Variants in CSPP1 observed in about 807,000 individuals in gnomAD.
CSPP1 encodes the protein centrosome and spindle pole-associated protein 1.
CSPP1 carries 126 observed loss-of-function variants against 164.4 expected under a neutral mutation model. The observed-to-expected ratio is 0.77, with a 90% CI of 0.66 to 0.89. The LOEUF (loss-of-function observed/expected upper bound fraction) is 0.89, where lower values mean the gene tolerates loss of function less well. Ranked by LOEUF, CSPP1 falls within the 40% of genes least tolerant of loss-of-function variation. The pLI is 0.00. For missense variants in CSPP1, 1,395 were observed against 1,449.8 expected, an observed-to-expected ratio of 0.96 and a Z score of 0.61; for synonymous variants, 472 against 476.7, an observed-to-expected ratio of 0.99 and a Z score of 0.13.
chr8:67,132,128 A>T, intron 16 of CSPP1, 48 bp downstream of exon 16: 1 of 1,551,804 alleles, frequency 6.4e-7, no homozygotes, highest in East Asian at 2.3e-5. Context: ...AAGTGTAAGC[A>T]TGGTGGTCCC....
At chr8:67,155,162 A>T (rs1032417759) in intron 19 of CSPP1, among the ~76,000 whole-genome samples, 10 of 152,276 alleles carry the variant, frequency 6.6e-5, no homozygotes, top group Admixed American at 3.3e-4. Context: ...GGAGCCTGAG[A>T]TGAATGTGAG....
chr8:67,118,363 G>T lies in CSPP1; in HGVS notation c.1612G>T (p.Ala538Ser). Residue 538 changes from alanine to serine, a missense_variant, in exon 14 of 31, where the codon GCT becomes TCT. By Grantham distance (99) the Ala-to-Ser change is moderately conservative. Transcript: ENST00000678616. ...CAGGAATACTTTCGATCCCAGTCTT[G>T]CTTATTGTAAGTTATCTATAGGGTA... ...GSRNTFDPSL[A>S]YYGSGMMGVQ... 5.0e-6 allele frequency: 8 copies of T among 1,613,396 alleles called. No homozygotes were observed. The highest frequency in any genetic ancestry group is 6.8e-6 in the Non-Finnish European group (8 of 1,179,594).
At chr8:67,173,259 G>T (rs1830830985) in intron 25 of CSPP1, among the ~76,000 whole-genome samples, 4 of 152,130 alleles carry the variant, frequency 2.6e-5, no homozygotes, top group African/African-American at 9.7e-5. Context: ...AAATCTAGGG[G>T]ATTTGAGGGA....
intron 9 of CSPP1, among the ~76,000 whole-genome samples, chr8:67,106,310 A>G (rs1815520269): frequency 6.6e-6 from 1 of 151,814 alleles, no homozygotes; most frequent in East Asian, 1.9e-4. Flanking sequence ...TTTTTGCAAA[A>G]TGGATTGATC....
chr8:67,121,014 C>T (rs552776618), intron 15 of CSPP1, among the ~76,000 whole-genome samples: 14 of 151,934 alleles, frequency 9.2e-5, no homozygotes, highest in African/African-American at 1.4e-4. Flanking sequence ...CCACTATGCC[C>T]GGCTAAGTTT....
intron 18 of CSPP1, 48 bp from the exon 19 acceptor site, chr8:67,153,976 T>A: frequency 1.2e-6 from 1 of 818,172 alleles, no homozygotes; most frequent in Non-Finnish European, 2.1e-6. Flanking sequence ...CTGTTAAATT[T>A]TCTAAGCATT....
At chr8:67,087,333 T>C (rs1810619419) in intron 4 of CSPP1, among the ~76,000 whole-genome samples, 1 of 152,222 alleles carries the variant, frequency 6.6e-6, no homozygotes, top group Non-Finnish European at 1.5e-5. Context: ...TTTACAAAAC[T>C]GGTTTTAAAA....
rs1000508606 is a variant in CSPP1, at chr8:67,154,151, G to T, written c.2241+15G>T. On this transcript the variant is annotated intron_variant, in intron 19 of 30. Coordinates refer to ENST00000678616, the MANE Select transcript of CSPP1 (RefSeq NM_001382391.1). ...TTCGTTTCCAGGTGAAATGCTATTT[G>T]ATCAGTTTCAAAGTTTCATGAGATT... 5.9e-6 allele frequency: 7 copies of T among 1,195,782 alleles called. No homozygotes were observed. Among genetic ancestry groups the T allele is most frequent in the Non-Finnish European group, 7.5e-6 (6 of 804,048 alleles). 74.1% of individuals were successfully genotyped at this position (1,195,782 alleles called of 1,614,324 possible). A position where few individuals can be genotyped will look rare whatever the true frequency, so the allele number is the denominator to read the frequency against.
At chr8:67,115,150 T>C (rs1203891350) in intron 12 of CSPP1, 2 of 152,256 alleles carry the variant, frequency 1.3e-5, no homozygotes, top group African/African-American at 2.4e-5. Context: ...TTAATCTATT[T>C]ACTGTCTAGC....
At chr8:67,131,396 C>A (rs1183124743) in intron 15 of CSPP1, among the ~76,000 whole-genome samples, 2 of 151,806 alleles carry the variant, frequency 1.3e-5, no homozygotes, top group Non-Finnish European at 2.9e-5. Context: ...CAAAAAAAAC[C>A]AAAAAAACAG....
At position 67,137,482 on chromosome 8, in the gene CSPP1, G is replaced by A. The variant is rs1822583512; in HGVS notation, c.1854G>A (p.Lys618=). 2.0e-6 allele frequency: 3 copies of A among 1,531,266 alleles called. No homozygotes were observed. Among genetic ancestry groups the A allele is most frequent in the African/African-American group, 1.4e-5 (1 of 72,132 alleles). 94.9% of individuals were successfully genotyped at this position (1,531,266 alleles called of 1,614,324 possible). The change falls in exon 17 of 31, where the codon AAG becomes AAA. Residue 618 remains lysine, a synonymous_variant. Coordinates refer to ENST00000678616, the MANE Select transcript of CSPP1 (RefSeq NM_001382391.1). ...TTCGGGAAAGAGAAGAAAGAAGGAAGAAAGAACGTGAAGAAAAAGAAGAAT... is the reference window on the plus strand; with the variant it reads ...TTCGGGAAAGAGAAGAAAGAAGGAAAAAAGAACGTGAAGAAAAAGAAGAAT... ...QQIREREERR[K]KEREEKEEYE...
chr8:67,181,028 TG>T (rs1267389240), intron 28 of CSPP1, among the ~76,000 whole-genome samples: 1 of 151,860 alleles, frequency 6.6e-6, no homozygotes. Context: ...TTTCTCTTAA[TG>T]GTTTTTTTTT....
chr8:67,153,880 A>C, intron 18 of CSPP1, 144 bp from the exon 19 acceptor site: 1 of 526,926 alleles, frequency 1.9e-6, no homozygotes, highest in Non-Finnish European at 3.3e-6. Flanking sequence ...TTCAGATTCT[A>C]ATCTCAACCT....
rs114255721 is a variant in CSPP1 at position 67,108,554 on chromosome 8, G to C, written c.1093+2579G>C. Among the ~76,000 whole-genome samples, 410 of 152,296 alleles carry C rather than the reference G, an allele frequency of 2.7e-3. 2 individuals are homozygous for C. The highest frequency in any genetic ancestry group is 9.6e-3 in the African/African-American group (400 of 41,564). On this transcript the variant is annotated intron_variant, in intron 9 of 30. Coordinates refer to ENST00000678616, the MANE Select transcript of CSPP1 (RefSeq NM_001382391.1). ...CGTGTGAGGCCTGGAGTGCCAGAGA[G>C]ATTTTTCTTAGTGTTCCTGCACTTT...
At chr8:67,067,405 A>G (rs1805798346) in intron 1 of CSPP1, among the ~76,000 whole-genome samples, 1 of 152,160 alleles carries the variant, frequency 6.6e-6, no homozygotes, top group African/African-American at 2.4e-5. Flanking sequence ...TCAATTATTG[A>G]TTATTTAAAT....
At chr8:67,188,709 C>T (rs574623348) in intron 28 of CSPP1, among the ~76,000 whole-genome samples, 3 of 152,304 alleles carry the variant, frequency 2.0e-5, no homozygotes, top group East Asian at 3.9e-4. Context: ...TCCACCCCTC[C>T]GGATCTGGCA....
intron 9 of CSPP1, among the ~76,000 whole-genome samples, chr8:67,107,079 G>A (rs973131977): frequency 1.3e-5 from 2 of 149,812 alleles, no homozygotes; most frequent in Admixed American, 6.7e-5. Flanking sequence ...ATTGAGTTTC[G>A]CTCTATCACT....
Position 67,195,754 on chromosome 8 carries a change from TAAAA to T in CSPP1, c.*162_*165del. On this transcript the variant is annotated 3_prime_UTR_variant, in exon 31 of 31. Transcript: ENST00000678616. ...TCATGATGTATATTATGTACATAAATAAAAGGCCATGATTATTGATTTATATAAT... is the reference window on the plus strand; with the variant it reads ...TCATGATGTATATTATGTACATAAATGGCCATGATTATTGATTTATATAAT... The T allele has an allele frequency of 1.6e-6, 1 of 608,056 alleles. No homozygotes were observed. The highest frequency in any genetic ancestry group is 3.0e-5 in the Admixed American group (1 of 33,226). 37.7% of individuals were successfully genotyped at this position (608,056 alleles called of 1,614,324 possible). A position where few individuals can be genotyped will look rare whatever the true frequency, so the allele number is the denominator to read the frequency against.
chr8:67,141,863 A>G (rs1363957272), intron 17 of CSPP1, among the ~76,000 whole-genome samples: 2 of 152,218 alleles, frequency 1.3e-5, no homozygotes, highest in African/African-American at 4.8e-5. Flanking sequence ...TGAAATATGT[A>G]GTATAGAGCA....
Sources: gnomAD v4.1 joint callset for allele counts (sites outside exome capture counted in the v4.1 genomes callset) on GRCh38, gnomAD v4.1.1 for gene constraint, MANE v1.5 for transcripts, NCBI Gene and HGNC (gene_info 2026-07-23, HGNC 2026-07-21) for gene names.